The following CCDC62 variants were observed in gnomAD, a reference collection of about 807,000 sequenced individuals.
The protein encoded by CCDC62 is coiled-coil domain containing 62, also known as coiled-coil domain-containing protein 62.
CCDC62 carries 72 observed loss-of-function variants against 80.8 expected under a neutral mutation model. That is an observed-to-expected ratio of 0.89 (90% CI 0.74 to 1.08). The LOEUF (loss-of-function observed/expected upper bound fraction) is 1.08. Among genes scored for constraint, CCDC62 ranks in the 50% least tolerant of loss-of-function variants. CCDC62 has a pLI of 0.00. For synonymous variants in CCDC62, 286 were observed against 296.5 expected (o/e 0.96, Z 0.36); for missense variants, 704 against 809.4 (o/e 0.87, Z 1.58).
chr12:122,791,492 C>A (rs1462385397), intron 5 of CCDC62, among the ~76,000 whole-genome samples: 2 of 151,350 alleles, frequency 1.3e-5, no homozygotes, highest in Non-Finnish European at 1.5e-5. Flanking sequence ...CTCTGTTGTC[C>A]AGGTTGAGTG....
chr12:122,812,760 A>G lies in CCDC62; in HGVS notation c.1852-510A>G, dbSNP rs867901318. On this transcript the variant is annotated intron_variant, in intron 10 of 12. Coordinates refer to ENST00000253079, the MANE Select transcript of CCDC62 (RefSeq NM_201435.5). Reference sequence around the variant, plus strand: ...AAGAAAGAGAGAGAGAGGGAGGGAGAGAGAGAGAGAGAGAGAGAGAAAGAA... The same window carrying G: ...AAGAAAGAGAGAGAGAGGGAGGGAGGGAGAGAGAGAGAGAGAGAGAAAGAA... Among the ~76,000 whole-genome samples the G allele has an allele frequency of 9.3e-3, 653 of 70,478 alleles. 31 individuals are homozygous for G. Among genetic ancestry groups the G allele is most frequent in the East Asian group, 0.022 (51 of 2,276 alleles). The allele number at this position is 70,478 out of a possible 152,430, so 46.2% of individuals were successfully genotyped here.
At chr12:122,797,890 G>T (rs1313196314) in intron 7 of CCDC62, among the ~76,000 whole-genome samples, 195 bp from the exon 8 acceptor site, 1 of 152,112 alleles carries the variant, frequency 6.6e-6, no homozygotes, top group Non-Finnish European at 1.5e-5. Flanking sequence ...GTGATCAAAG[G>T]CTGGGAGCCC....
At chr12:122,787,565 C>T (rs1041872563) in intron 4 of CCDC62, among the ~76,000 whole-genome samples, 2 of 151,538 alleles carry the variant, frequency 1.3e-5, no homozygotes, top group African/African-American at 2.4e-5. Context: ...TCCTGGCTAA[C>T]ATGGTGAAAC....
In CCDC62 at chr12:122,801,597, T is replaced by C. The variant is rs767122360; in HGVS notation, c.1451T>C (p.Val484Ala). 3.1e-6 allele frequency: 5 copies of C among 1,614,092 alleles called. No homozygotes were observed. In the East Asian group the frequency reaches 6.7e-5, roughly 22 times the overall value. ...PSSKHPEKLD[V>A]ECQDQMERSE... ...TCAAAACATCCAGAAAAGCTGGATG[T>C]AGAATGTCAAGATCAGATGGAAAGG... The change falls in exon 9 of 13, where the codon GTA becomes GCA. Residue 484 changes from valine to alanine, a missense_variant. Coordinates refer to ENST00000253079, the MANE Select transcript of CCDC62 (RefSeq NM_201435.5).
chr12:122,785,843 C>T (rs1566070744), intron 4 of CCDC62, 23 bp downstream of exon 4: 3 of 1,486,350 alleles, frequency 2.0e-6, no homozygotes, highest in Non-Finnish European at 2.8e-6. Context: ...AAGAATTCCT[C>T]CATTTGCCAG....
rs1401100031 is a variant in CCDC62 at position 122,801,655 on chromosome 12, C to T, written c.1509C>T (p.Ala503=). 36 of 1,614,074 alleles carry T rather than the reference C, an allele frequency of 2.2e-5. No homozygotes were observed. Among genetic ancestry groups the T allele is most frequent in the Non-Finnish European group, 3.0e-5 (35 of 1,180,040 alleles). The change falls in exon 9 of 13, where the codon GCC becomes GCT. Residue 503 remains alanine (A), a synonymous_variant. Transcript: ENST00000253079. ...SEISCCQKNE[A]CLGESGMCDS... ...TCTCATGCTGCCAGAAAAATGAAGC[C>T]TGTCTGGGCGAAAGTGGCATGTGTG...
chr12:122,812,823 G>GAAAGAAAGAAAGAAAGAAAGAA (rs1566086829), intron 10 of CCDC62, among the ~76,000 whole-genome samples: 3 of 147,514 alleles, frequency 2.0e-5, no homozygotes, highest in African/African-American at 7.7e-5. Context: ...AAGAAAGAAA[G>GAAAGAAAGAAAGAAAGAAAGAA]AAAGAAAAGG....
chr12:122,792,758 T>C (rs1057225586), intron 6 of CCDC62, among the ~76,000 whole-genome samples: 2 of 152,088 alleles, frequency 1.3e-5, no homozygotes. Flanking sequence ...CCTCAGATAA[T>C]CCGCCCGCCT....
At chr12:122,797,827 A>G (rs1210453002) in intron 7 of CCDC62, among the ~76,000 whole-genome samples, 2 of 152,184 alleles carry the variant, frequency 1.3e-5, no homozygotes, top group Non-Finnish European at 2.9e-5. Context: ...GGCGTGAACC[A>G]GCGCACCCAG....
At chr12:122,778,104 C>T (rs905450132) in intron 2 of CCDC62, among the ~76,000 whole-genome samples, 1 of 152,130 alleles carries the variant, frequency 6.6e-6, no homozygotes, top group Admixed American at 6.6e-5. Context: ...CAGTGGCTCA[C>T]ACCTGTAATT....
chr12:122,820,840 CAAA>C (rs35113362), intron 11 of CCDC62, among the ~76,000 whole-genome samples: 6,368 of 129,726 alleles, frequency 0.049, 278 homozygotes, highest in East Asian at 0.27. Context: ...GACTCTGTCT[CAAA>C]AAAAAAAAAA....
chr12:122,823,221 A>T (rs2032484521), intron 11 of CCDC62, 145 bp from the exon 12 acceptor site: 1 of 590,272 alleles, frequency 1.7e-6, no homozygotes, highest in Non-Finnish European at 3.1e-6. Context: ...CTGGCCTCCC[A>T]AAGTGCTGGG....
rs144393165 is a variant in CCDC62, at chr12:122,785,730, A to C, written c.408A>C (p.Glu136Asp). 36 of 1,612,704 alleles carry C rather than the reference A, an allele frequency of 2.2e-5. No individual in the cohort carries two copies. Among genetic ancestry groups the C allele is most frequent in the Admixed American group, 8.3e-5 (5 of 59,986 alleles). ...TTGTTTTCTTGTAGGCTAGAAACGAAACTCTCAGCAACACGTTAGTGGAAC... is the reference window on the plus strand; with the variant it reads ...TTGTTTTCTTGTAGGCTAGAAACGACACTCTCAGCAACACGTTAGTGGAAC... ...LLSEDLEARN[E>D]TLSNTLVELS... The change falls in exon 4 of 13, where the codon GAA (glutamate) becomes GAC (aspartate). Residue 136 changes from glutamate to aspartate, a missense_variant. Physicochemically the swap from Glu to Asp is conservative, Grantham distance 45. Coordinates refer to ENST00000253079, the MANE Select transcript of CCDC62 (RefSeq NM_201435.5).
chr12:122,815,649 G>A (rs940785182), intron 11 of CCDC62, among the ~76,000 whole-genome samples: 2 of 151,508 alleles, frequency 1.3e-5, no homozygotes, highest in South Asian at 2.1e-4. Flanking sequence ...GGCTTTCACC[G>A]TGTTAGCCAG....
In CCDC62 at chr12:122,785,794, G is replaced by A. The variant is rs1299172935; in HGVS notation, c.472G>A (p.Ala158Thr). The A allele has an allele frequency of 1.9e-6, 3 of 1,612,084 alleles. No individual in the cohort carries two copies. The South Asian group carries it at 3.3e-5, about 18-fold the overall frequency. Residue 158 changes from alanine (A) to threonine (T), a missense_variant, in exon 4 of 13, where the codon GCT becomes ACT. Physicochemically the swap from Ala to Thr is moderately conservative, Grantham distance 58. Coordinates refer to ENST00000253079, the MANE Select transcript of CCDC62 (RefSeq NM_201435.5). ...AGGACAGCTACAAGCTCGAGAACAA[G>A]CTCTTACGACAATGATAAAGCTAAA... ...QVGQLQAREQ[A>T]LTTMIKLKDK...
chr12:122,783,125 T>G (rs1329778609), intron 3 of CCDC62, among the ~76,000 whole-genome samples: 2 of 150,822 alleles, frequency 1.3e-5, no homozygotes, highest in African/African-American at 4.9e-5. Flanking sequence ...AGATGGATTT[T>G]TTTGGTTTTC....
intron 6 of CCDC62, among the ~76,000 whole-genome samples, chr12:122,792,558 G>A (rs377373640): frequency 5.3e-5 from 8 of 149,894 alleles, no homozygotes; most frequent in African/African-American, 1.7e-4. Context: ...TCACTCTGTC[G>A]CCCAGGCTGG....
chr12:122,774,707 G>A lies in CCDC62; in HGVS notation c.36+1G>A. ...GGCAGCCTTCCTTGCCGGGCGCCAG[G>A]TAAGCAGCGGTTCCGGGCGCGGCGG... is the stretch of plus-strand genomic sequence containing the variant. On this transcript the variant is annotated splice_donor_variant, in intron 1 of 12. Coordinates refer to ENST00000253079, the MANE Select transcript of CCDC62 (RefSeq NM_201435.5). LOFTEE classifies it high-confidence loss of function. The A allele has an allele frequency of 1.6e-6, 2 of 1,255,466 alleles. No homozygotes were observed. Among genetic ancestry groups the A allele is most frequent in the Non-Finnish European group, 2.0e-6 (2 of 991,074 alleles). The allele number at this position is 1,255,466 out of a possible 1,614,324, so 77.8% of individuals were successfully genotyped here.
chr12:122,803,864 G>A (rs566805182), intron 9 of CCDC62, among the ~76,000 whole-genome samples: 41 of 152,256 alleles, frequency 2.7e-4, no homozygotes, highest in Non-Finnish European at 2.5e-4. Context: ...AGTTTTAAGA[G>A]CATAGAGGAT....
Sources: gnomAD v4.1 joint callset for allele counts (sites outside exome capture counted in the v4.1 genomes callset) on GRCh38, gnomAD v4.1.1 for gene constraint, MANE v1.5 for transcripts, NCBI Gene and HGNC (gene_info 2026-07-23, HGNC 2026-07-21) for gene names.